The following RNPC3 variants were observed in gnomAD, a reference collection of about 807,000 sequenced individuals.
RNPC3 encodes the protein RNA binding region (RNP1, RRM) containing 3.
In RNPC3, 48 loss-of-function variants were observed where a neutral mutation model predicts 67.5. The observed-to-expected ratio is 0.71, with a 90% CI of 0.56 to 0.90. The LOEUF is 0.90. Among genes scored for constraint, RNPC3 ranks in the 40% least tolerant of loss-of-function variants. The pLI, the probability that RNPC3 is intolerant of heterozygous loss-of-function variation, is 0.00. For missense variants in RNPC3, 637 were observed against 626.1 expected, an observed-to-expected ratio of 1.02 and a Z score of -0.19; for synonymous variants, 239 against 210.3, an observed-to-expected ratio of 1.14 and a Z score of -1.18.
intron 12 of RNPC3, among the ~76,000 whole-genome samples, chr1:103,547,492 GTC>G (rs1651275107): frequency 6.6e-6 from 1 of 152,174 alleles, no homozygotes; most frequent in African/African-American, 2.4e-5. Flanking sequence ...CCTGCAGAGA[GTC>G]TGATTTTCTA....
Position 103,543,314 on chromosome 1 carries a change from G to A in RNPC3, c.912G>A (p.Leu304=), listed in dbSNP as rs1651168307. The A allele has an allele frequency of 3.4e-6, 5 of 1,480,668 alleles. No homozygotes were observed. Among genetic ancestry groups the A allele is most frequent in the Non-Finnish European group, 4.5e-6 (5 of 1,123,210 alleles). The allele number at this position is 1,480,668 out of a possible 1,614,324, so 91.7% of individuals were successfully genotyped here. ...CPSHSSLHPV[L]LPSDVFDQPQ... is the part of the protein sequence containing the mutation. ...TAAATAGCAGTTTACATCCAGTGCT[G>A]TTACCTTCAGATGTATTTGACCAAC... Residue 304 remains leucine, a synonymous_variant, in exon 9 of 15, where the codon CTG becomes CTA. Transcript: ENST00000423855.
chr1:103,545,984 A>G (rs1651232471), intron 10 of RNPC3: 1 of 171,748 alleles, frequency 5.8e-6, no homozygotes, highest in Non-Finnish European at 1.2e-5. Flanking sequence ...AGTTTTTTAT[A>G]TAATCAATTC....
Position 103,525,902 on chromosome 1 carries a change from C to T in RNPC3, c.-169C>T. 1.6e-6 allele frequency: 1 copy of T among 609,814 alleles called. No homozygotes were observed. The highest frequency in any genetic ancestry group is 2.8e-6 in the Non-Finnish European group (1 of 351,528). 37.8% of individuals were successfully genotyped at this position (609,814 alleles called of 1,614,324 possible). ...CCGAAGAGTCTTCGAAGGGTTGCCG[C>T]TTTTCGGTGGCGCAGTTCTCGCGAG... On this transcript the variant is annotated 5_prime_UTR_variant, in exon 1 of 15. Transcript: ENST00000423855.
intron 5 of RNPC3, 97 bp from the exon 6 acceptor site, chr1:103,536,029 C>T: frequency 1.1e-6 from 1 of 873,768 alleles, no homozygotes; most frequent in Non-Finnish European, 1.8e-6. Flanking sequence ...CCTTTACACT[C>T]AATAAATAGT....
At chr1:103,544,749 C>CA (rs574865127) in intron 9 of RNPC3, among the ~76,000 whole-genome samples, 192 bp from the exon 10 acceptor site, 5 of 151,190 alleles carry the variant, frequency 3.3e-5, no homozygotes, top group Non-Finnish European at 7.4e-5. Flanking sequence ...CACCCTTTAA[C>CA]AAAATTTTTT....
At chr1:103,530,476 G>A (rs1013961355) in intron 2 of RNPC3, among the ~76,000 whole-genome samples, 2 of 152,158 alleles carry the variant, frequency 1.3e-5, no homozygotes. Context: ...TGCCTGTCAC[G>A]TTGTTCAAGG....
intron 2 of RNPC3, among the ~76,000 whole-genome samples, chr1:103,530,976 CT>C (rs1360631669): frequency 6.6e-6 from 1 of 152,110 alleles, no homozygotes; most frequent in Non-Finnish European, 1.5e-5. Flanking sequence ...ATTGTGAAGT[CT>C]TTTATCCCTC....
chr1:103,530,983 C>G (rs1289012267), intron 2 of RNPC3, among the ~76,000 whole-genome samples: 2 of 152,130 alleles, frequency 1.3e-5, no homozygotes, highest in African/African-American at 2.4e-5. Flanking sequence ...AGTCTTTTAT[C>G]CCTCACCCCC....
intron 7 of RNPC3, among the ~76,000 whole-genome samples, chr1:103,537,946 C>T (rs1263470882): frequency 2.0e-5 from 3 of 152,030 alleles, no homozygotes; most frequent in Admixed American, 6.6e-5. Flanking sequence ...CAGGTTCAAG[C>T]GATTTTCCTG....
At chr1:103,537,562 T>C (rs1307325070) in intron 7 of RNPC3, 78 bp downstream of exon 7, 1 of 1,217,954 alleles carries the variant, frequency 8.2e-7, no homozygotes, top group African/African-American at 1.5e-5. Flanking sequence ...CCCTAGATTT[T>C]GTGTGTATAA....
chr1:103,544,085 A>C (rs1651186981), intron 9 of RNPC3, among the ~76,000 whole-genome samples: 1 of 151,748 alleles, frequency 6.6e-6, no homozygotes, highest in South Asian at 2.1e-4. Context: ...TAAAAAGTTA[A>C]CACCTCAAAC....
At chr1:103,530,061 C>A (rs1343072136) in intron 2 of RNPC3, among the ~76,000 whole-genome samples, 1 of 117,610 alleles carries the variant, frequency 8.5e-6, no homozygotes, top group Admixed American at 1.1e-4. Context: ...TTCTCCCCAC[C>A]CCCCACCCCA....
At chr1:103,550,444 A>G (rs1307496132) in intron 12 of RNPC3, among the ~76,000 whole-genome samples, 1 of 151,926 alleles carries the variant, frequency 6.6e-6, no homozygotes, top group Non-Finnish European at 1.5e-5. Context: ...GATCGAGACC[A>G]TCCTGACTAA....
chr1:103,546,816 T>C (rs1424409019), intron 11 of RNPC3, 161 bp from the exon 12 acceptor site: 1 of 516,816 alleles, frequency 1.9e-6, no homozygotes, highest in African/African-American at 2.0e-5. Context: ...TTTGTGAGTA[T>C]CTGTCCAAAT....
chr1:103,541,450 A>G lies in RNPC3; in HGVS notation c.868A>G (p.Asn290Asp). The change falls in exon 8 of 15, where the codon AAT becomes GAT. Residue 290 changes from asparagine (N) to aspartate (D), a missense_variant. Asn to Asp is a conservative substitution (Grantham distance 23). Transcript: ENST00000423855. ...RKKRKIKDML[N>D]TPLCPSHSSL... ...AAAGAGAAAAATAAAGGATATGTTGAATACACCTTTGTGTCCTTCACACAG... is the reference window on the plus strand; with the variant it reads ...AAAGAGAAAAATAAAGGATATGTTGGATACACCTTTGTGTCCTTCACACAG... 6.7e-7 allele frequency: 1 copy of G among 1,496,880 alleles called. No homozygotes were observed. Among genetic ancestry groups the G allele is most frequent in the Non-Finnish European group, 8.8e-7 (1 of 1,132,906 alleles). 92.7% of individuals were successfully genotyped at this position (1,496,880 alleles called of 1,614,324 possible).
chr1:103,546,661 G>C, intron 11 of RNPC3: 2 of 327,196 alleles, frequency 6.1e-6, no homozygotes, highest in Middle Eastern at 8.5e-4. Flanking sequence ...TGGCAGGATT[G>C]GTTCATTCTG....
At chr1:103,531,252 A>T (rs1288777354) in intron 2 of RNPC3, among the ~76,000 whole-genome samples, 1 of 152,036 alleles carries the variant, frequency 6.6e-6, no homozygotes, top group South Asian at 2.1e-4. Flanking sequence ...TCATTGATTG[A>T]TGGGCATTTG....
chr1:103,541,219 T>G, intron 7 of RNPC3, 131 bp from the exon 8 acceptor site: 1 of 595,776 alleles, frequency 1.7e-6, no homozygotes, highest in Non-Finnish European at 2.6e-6. Context: ...GTTCTATATA[T>G]TTGATGTAAG....
At chr1:103,546,662 G>C in intron 11 of RNPC3, 1 of 328,232 alleles carries the variant, frequency 3.0e-6, no homozygotes, top group Non-Finnish European at 5.5e-6. Context: ...GGCAGGATTG[G>C]TTCATTCTGA....
Sources: allele counts gnomAD v4.1 joint callset (sites outside exome capture counted in the v4.1 genomes callset), GRCh38; gene constraint gnomAD v4.1.1; transcripts MANE v1.5; gene names NCBI Gene and HGNC (gene_info 2026-07-23, HGNC 2026-07-21).